Variants in ASAP1 observed in about 807,000 individuals in gnomAD.
ASAP1 encodes the protein arf-GAP with SH3 domain, ANK repeat and PH domain-containing protein 1.
Under a neutral mutation model 145.2 loss-of-function variants are expected in ASAP1, and 43 were observed. The ratio of observed to expected loss-of-function variants is 0.30; its 90% CI spans 0.23 to 0.38. The LOEUF (loss-of-function observed/expected upper bound fraction) is 0.38. Among genes scored for constraint, ASAP1 ranks in the 10% least tolerant of loss-of-function variants. The pLI is 1.00. For synonymous variants in ASAP1, 546 were observed against 515.5 expected (o/e 1.06, Z -0.80); for missense variants, 1,018 against 1,355.3 (o/e 0.75, Z 3.91).
chr8:130,113,010 C>T (rs1036396130), intron 23 of ASAP1, among the ~76,000 whole-genome samples: 1 of 152,230 alleles, frequency 6.6e-6, no homozygotes, highest in African/African-American at 2.4e-5. Context: ...CAGGTGCTCA[C>T]CAGCTCCCAC....
chr8:130,328,124 G>A (rs545319372), intron 3 of ASAP1, among the ~76,000 whole-genome samples: 2 of 152,070 alleles, frequency 1.3e-5, no homozygotes, highest in East Asian at 1.9e-4. Context: ...GGCCAGTGTC[G>A]TAAGTATTCT....
chr8:130,356,168 G>T (rs115548424), intron 3 of ASAP1, among the ~76,000 whole-genome samples: 135 of 152,200 alleles, frequency 8.9e-4, no homozygotes, highest in African/African-American at 2.9e-3. Flanking sequence ...TCTACTACAG[G>T]GTTGCTGGAA....
intron 4 of ASAP1, among the ~76,000 whole-genome samples, chr8:130,235,537 T>C (rs1374693305): frequency 6.6e-6 from 1 of 152,028 alleles, no homozygotes; most frequent in Non-Finnish European, 1.5e-5. Flanking sequence ...GGGAGTTCAT[T>C]GAAATAAAAG....
intron 16 of ASAP1, among the ~76,000 whole-genome samples, chr8:130,127,233 T>G (rs924882217): frequency 6.6e-6 from 1 of 152,190 alleles, no homozygotes; most frequent in Admixed American, 6.5e-5. Context: ...TTTTTCTTTT[T>G]TTTGAGACAG....
chr8:130,077,666 T>C (rs1413798797), intron 26 of ASAP1, among the ~76,000 whole-genome samples: 2 of 148,218 alleles, frequency 1.3e-5, no homozygotes, highest in Non-Finnish European at 3.0e-5. Flanking sequence ...GTGCCTCAGC[T>C]AACTGCATTT....
intron 7 of ASAP1, 47 bp from the exon 8 acceptor site, chr8:130,180,927 A>T (rs1814314378): frequency 3.3e-6 from 5 of 1,502,938 alleles, no homozygotes; most frequent in Non-Finnish European, 3.6e-6. Context: ...AAATACACTC[A>T]TGTACAATAC....
intron 3 of ASAP1, among the ~76,000 whole-genome samples, chr8:130,260,748 T>G (rs1466754989): frequency 6.6e-6 from 1 of 152,146 alleles, no homozygotes; most frequent in Non-Finnish European, 1.5e-5. Flanking sequence ...TGTCTCTATG[T>G]GCCGAACCAC....
intron 1 of ASAP1, among the ~76,000 whole-genome samples, chr8:130,434,283 T>C (rs1830232097): frequency 6.6e-6 from 1 of 152,020 alleles, no homozygotes; most frequent in African/African-American, 2.4e-5. Flanking sequence ...TGCAGTGAGC[T>C]GCCATAGCGC....
intron 9 of ASAP1, among the ~76,000 whole-genome samples, chr8:130,177,357 G>C (rs1435075616): frequency 6.6e-6 from 1 of 152,212 alleles, no homozygotes; most frequent in Non-Finnish European, 1.5e-5. Flanking sequence ...CGTGAAAATA[G>C]ATTTCTAAAG....
chr8:130,387,328 G>T (rs1424520824), intron 2 of ASAP1, among the ~76,000 whole-genome samples: 3 of 152,182 alleles, frequency 2.0e-5, no homozygotes, highest in Non-Finnish European at 4.4e-5. Context: ...TTGAGATCAG[G>T]AGTTTGAGAC....
chr8:130,199,626 T>G (rs1255046399), intron 5 of ASAP1, among the ~76,000 whole-genome samples: 2 of 152,228 alleles, frequency 1.3e-5, no homozygotes, highest in African/African-American at 4.8e-5. Context: ...GGCAGGTCAC[T>G]TTTTGTTTCT....
chr8:130,323,778 T>A (rs780166590), intron 3 of ASAP1, among the ~76,000 whole-genome samples: 98 of 152,292 alleles, frequency 6.4e-4, no homozygotes, highest in Non-Finnish European at 1.0e-3. Context: ...ACTCAGCAGA[T>A]CTTTGATAAA....
At chr8:130,072,824 T>TGTGTGTGTGTGTGTGTGTGTGCGCGC in intron 27 of ASAP1, among the ~76,000 whole-genome samples, 29 of 32,296 alleles carry the variant, frequency 9.0e-4, no homozygotes, top group Admixed American at 1.4e-3. Flanking sequence ...TGTGTGTGTG[T>TGTGTGTGTGTGTGTGTGTGTGCGCGC]GCGCGCGGGG....
intron 4 of ASAP1, among the ~76,000 whole-genome samples, chr8:130,219,284 G>C (rs1817142868): frequency 7.1e-6 from 1 of 140,088 alleles, no homozygotes; most frequent in East Asian, 2.2e-4. Flanking sequence ...ACACACACTT[G>C]TGTACAAAAT....
At position 130,298,280 on chromosome 8, in the gene ASAP1, C is replaced by A. The variant is rs139399897; in HGVS notation, c.186+59737G>T. On this transcript the variant is annotated intron_variant, in intron 3 of 29. Coordinates refer to ENST00000518721, the MANE Select transcript of ASAP1 (RefSeq NM_018482.4). ...TGATTAGTAGGAAGCTAATACACAT[C>A]TTTTCAACATGATGTACAACATAGA... Among the ~76,000 whole-genome samples, 229 of 152,288 alleles carry A rather than the reference C, an allele frequency of 1.5e-3. 1 individual carries two copies. Among genetic ancestry groups the A allele is most frequent in the Middle Eastern group, 0.01 (3 of 292 alleles).
intron 2 of ASAP1, among the ~76,000 whole-genome samples, chr8:130,390,933 T>TTCC (rs1554902141): frequency 7.5e-5 from 10 of 133,144 alleles, no homozygotes; most frequent in African/African-American, 2.2e-4. Context: ...TGGGTATATA[T>TTCC]CCCCCGCCCC....
chr8:130,112,402 C>T (rs1409057998), intron 23 of ASAP1, 80 bp from the exon 24 acceptor site: 1 of 1,263,176 alleles, frequency 7.9e-7, no homozygotes, highest in Non-Finnish European at 1.1e-6. Flanking sequence ...AGGGCGGGCT[C>T]AGGTGGGAAT....
chr8:130,106,904 G>A lies in ASAP1; in HGVS notation c.2401+5190C>T. Among the ~76,000 whole-genome samples, 2 of 152,162 alleles carry A rather than the reference G, an allele frequency of 1.3e-5. 1 individual carries two copies. The highest frequency in any genetic ancestry group is 1.3e-4 in the Admixed American group (2 of 15,282). On this transcript the variant is annotated intron_variant, in intron 24 of 29. Coordinates refer to ENST00000518721, the MANE Select transcript of ASAP1 (RefSeq NM_018482.4). ...TTTCCCTGGAGCCCTGAGAGTGGGAGGTACTTCTTCCTTCTTCTTTACATT... is the reference window on the plus strand; with the variant it reads ...TTTCCCTGGAGCCCTGAGAGTGGGAAGTACTTCTTCCTTCTTCTTTACATT...
intron 4 of ASAP1, among the ~76,000 whole-genome samples, chr8:130,229,715 C>T (rs984248699): frequency 1.3e-5 from 2 of 152,110 alleles, no homozygotes; most frequent in Non-Finnish European, 2.9e-5. Flanking sequence ...TTTAACAGAG[C>T]AAATTTGTTG....
Sources: allele counts gnomAD v4.1 joint callset (sites outside exome capture counted in the v4.1 genomes callset), GRCh38; gene constraint gnomAD v4.1.1; transcripts MANE v1.5; gene names NCBI Gene and HGNC (gene_info 2026-07-23, HGNC 2026-07-21).